The following SLC9C2 variants were observed in gnomAD, a reference collection of about 807,000 sequenced individuals.
SLC9C2 encodes the protein sodium/hydrogen exchanger 11.
A neutral mutation model predicts 140.2 loss-of-function variants in SLC9C2; 75 were observed. The ratio of observed to expected loss-of-function variants is 0.53; its 90% CI spans 0.44 to 0.65. SLC9C2 has a LOEUF of 0.65. Ranked by LOEUF, SLC9C2 falls within the 30% of genes least tolerant of loss-of-function variation. The probability of loss-of-function intolerance (pLI) is 0.00; values close to 1 mark genes in which losing one functional copy is unlikely to be tolerated. For missense variants in SLC9C2, 1,074 were observed against 1,331.8 expected (o/e 0.81, Z 3.01); for synonymous variants, 375 against 420.9 (o/e 0.89, Z 1.34).
rs1558034845 is a variant in SLC9C2, at chr1:173,529,955, C to T, written c.2263G>A (p.Asp755Asn). 7 of 1,612,524 alleles carry T rather than the reference C, an allele frequency of 4.3e-6. No homozygotes were observed. The South Asian group carries it at 7.7e-5, about 18-fold the overall frequency. ...ATTTGTTTTATTAGAAGTTTGGCAT[C>T]TTCTTGACTTTTGATATAGCCTTTT... ...ITKGYIKSQE[D>N]AKLLIKQIAV... The change falls in exon 18 of 28, where the codon GAT (aspartate) becomes AAT (asparagine). Residue 755 changes from aspartate to asparagine, a missense_variant. Coordinates refer to ENST00000367714, the MANE Select transcript of SLC9C2 (RefSeq NM_178527.4).
At chr1:173,516,164 AT>A (rs1455444969) in intron 23 of SLC9C2, among the ~76,000 whole-genome samples, 1 of 152,208 alleles carries the variant, frequency 6.6e-6, no homozygotes, top group African/African-American at 2.4e-5. Context: ...AGCAGGACCC[AT>A]TTAACGAACC....
chr1:173,529,834 G>A, intron 18 of SLC9C2, 71 bp downstream of exon 18: 4 of 1,510,174 alleles, frequency 2.6e-6, no homozygotes, highest in Non-Finnish European at 3.6e-6. Context: ...AACACACATA[G>A]AACTAGTCTT....
chr1:173,533,155 G>T (rs1429863651), intron 17 of SLC9C2, among the ~76,000 whole-genome samples: 1 of 152,096 alleles, frequency 6.6e-6, no homozygotes, highest in Admixed American at 6.6e-5. Flanking sequence ...TATTGAGAGG[G>T]TGTTCCAGAA....
At chr1:173,570,483 A>G (rs759964643) in intron 9 of SLC9C2, among the ~76,000 whole-genome samples, 8 of 151,972 alleles carry the variant, frequency 5.3e-5, no homozygotes, top group Non-Finnish European at 1.0e-4. Context: ...AGTCACTTTC[A>G]TTGTTCTGAG....
intron 13 of SLC9C2, among the ~76,000 whole-genome samples, chr1:173,540,219 A>G (rs1662283039): frequency 6.6e-6 from 1 of 152,174 alleles, no homozygotes; most frequent in Admixed American, 6.5e-5. Context: ...TCAGCTGCCA[A>G]ACCTGCGAGT....
intron 12 of SLC9C2, among the ~76,000 whole-genome samples, 198 bp downstream of exon 12, chr1:173,548,191 A>G (rs539047398): frequency 2.6e-4 from 39 of 152,356 alleles, no homozygotes; most frequent in African/African-American, 8.7e-4. Flanking sequence ...TATTTGGCAA[A>G]TAAAGCTGGA....
rs1251517725 is a variant in SLC9C2, at chr1:173,533,734, C to T, written c.2038G>A (p.Val680Ile). The change falls in exon 17 of 28, where the codon GTT becomes ATT. Residue 680 changes from valine to isoleucine, a missense_variant. Physicochemically the swap from Val to Ile is conservative, Grantham distance 29. Transcript: ENST00000367714. The stretch of plus-strand genomic sequence containing the variant: ...CAAAAGATATCAATGATTCCAATAA[C>T]CAGGATAAAAAATTCCAAAGTATTC... ...CWNTLEFFIL[V>I]IGIIDIFCVY... 1.9e-6 allele frequency: 3 copies of T among 1,607,758 alleles called. No individual in the cohort carries two copies. Among genetic ancestry groups the T allele is most frequent in the Non-Finnish European group, 2.6e-6 (3 of 1,176,174 alleles).
In SLC9C2 at chr1:173,576,653, A is replaced by T; in HGVS notation, c.902+8T>A. ...GAGATCCATCGAAGGGCACGATAGG[A>T]AACTTACTTAGTAATTACAAGTTCG... On this transcript the variant is annotated splice_region_variant and intron_variant, in intron 8 of 27. Transcript: ENST00000367714. 6.3e-7 allele frequency: 1 copy of T among 1,585,000 alleles called. No homozygotes were observed. The highest frequency in any genetic ancestry group is 8.6e-7 in the Non-Finnish European group (1 of 1,157,566).
chr1:173,601,769 G>T lies in SLC9C2; in HGVS notation c.8C>A (p.Ser3Tyr). MSSYFWAQNESNR... is the reference protein window; with the variant it reads MSYYFWAQNESNR... Reference sequence around the variant, plus strand: ...ACTTTCATTTTGTGCCCAGAAGTAAGAACTCATTTTTGCTGCTGCTTTTCC... The same window carrying T: ...ACTTTCATTTTGTGCCCAGAAGTAATAACTCATTTTTGCTGCTGCTTTTCC... The change falls in exon 2 of 28, where the codon TCT becomes TAT. Residue 3 changes from serine to tyrosine, a missense_variant. Coordinates refer to ENST00000367714, the MANE Select transcript of SLC9C2 (RefSeq NM_178527.4). 6.2e-7 allele frequency: 1 copy of T among 1,613,794 alleles called. No homozygotes were observed. The highest frequency in any genetic ancestry group is 2.2e-5 in the East Asian group (1 of 44,860).
At position 173,534,492 on chromosome 1, in the gene SLC9C2, T is replaced by C. The variant is rs1200045289; in HGVS notation, c.1966A>G (p.Thr656Ala). 6.4e-7 allele frequency: 1 copy of C among 1,571,092 alleles called. No homozygotes were observed. The highest frequency in any genetic ancestry group is 2.0e-5 in the Admixed American group (1 of 50,458). ...TCTATTTTAAACAGTACCTTCAATG[T>C]TGATTCTAATACATATAAAAACATA... The part of the protein sequence containing the change: ...YFMFLYVLES[T>A]LKIIILKRKY... Residue 656 changes from threonine to alanine, a missense_variant, in exon 16 of 28, where the codon ACA becomes GCA. Thr to Ala is a moderately conservative substitution (Grantham distance 58). Coordinates refer to ENST00000367714, the MANE Select transcript of SLC9C2 (RefSeq NM_178527.4).
At chr1:173,533,047 T>G (rs970414453) in intron 17 of SLC9C2, among the ~76,000 whole-genome samples, 4 of 151,990 alleles carry the variant, frequency 2.6e-5, no homozygotes, top group Non-Finnish European at 4.4e-5. Flanking sequence ...GAAGGGTGGG[T>G]TGCCAGTTGA....
chr1:173,516,011 G>C (rs1280738411), intron 23 of SLC9C2, among the ~76,000 whole-genome samples: 1 of 152,184 alleles, frequency 6.6e-6, no homozygotes, highest in African/African-American at 2.4e-5. Context: ...GAGGAGGCTG[G>C]AGAACAGCAA....
At chr1:173,552,537 A>G (rs1482837979) in intron 11 of SLC9C2, among the ~76,000 whole-genome samples, 1 of 152,220 alleles carries the variant, frequency 6.6e-6, no homozygotes, top group Admixed American at 6.5e-5. Context: ...CTTACTTATC[A>G]TTCTGAAAAT....
intron 17 of SLC9C2, among the ~76,000 whole-genome samples, chr1:173,532,224 C>T (rs1369284228): frequency 1.3e-5 from 2 of 152,146 alleles, no homozygotes; most frequent in East Asian, 3.8e-4. Context: ...CTAATATGTG[C>T]ATTTCACCAT....
intron 9 of SLC9C2, among the ~76,000 whole-genome samples, chr1:173,559,945 C>A (rs1023413759): frequency 2.0e-5 from 3 of 152,152 alleles, no homozygotes; most frequent in Non-Finnish European, 4.4e-5. Context: ...TTTGTCATAA[C>A]CTCCATCATC....
chr1:173,536,292 G>A (rs1260859075), intron 14 of SLC9C2, among the ~76,000 whole-genome samples: 1 of 152,066 alleles, frequency 6.6e-6, no homozygotes, highest in Non-Finnish European at 1.5e-5. Context: ...TTTATTCCAG[G>A]GACTGGTAAA....
At chr1:173,552,137 C>T (rs556211014) in intron 11 of SLC9C2, among the ~76,000 whole-genome samples, 6 of 152,302 alleles carry the variant, frequency 3.9e-5, no homozygotes, top group Admixed American at 1.3e-4. Flanking sequence ...AAGGCCCTAA[C>T]TCTATTCAGT....
At chr1:173,553,705 G>A (rs1663476964) in intron 11 of SLC9C2, among the ~76,000 whole-genome samples, 1 of 152,202 alleles carries the variant, frequency 6.6e-6, no homozygotes, top group Non-Finnish European at 1.5e-5. Context: ...ACTTTTATAT[G>A]TACTGGGAAA....
At chr1:173,601,073 T>C (rs1666746919) in intron 2 of SLC9C2, among the ~76,000 whole-genome samples, 1 of 152,240 alleles carries the variant, frequency 6.6e-6, no homozygotes, top group Non-Finnish European at 1.5e-5. Flanking sequence ...GAGGTCCTTA[T>C]TTGTGAAGCC....
Sources: gnomAD v4.1 joint callset for allele counts (sites outside exome capture counted in the v4.1 genomes callset) on GRCh38, gnomAD v4.1.1 for gene constraint, MANE v1.5 for transcripts, NCBI Gene and HGNC (gene_info 2026-07-23, HGNC 2026-07-21) for gene names.